ASCC3: variants seen among roughly 807,000 people sequenced by gnomAD.
The protein encoded by ASCC3 is ASC-1 complex subunit P200.
Under a neutral mutation model 256.3 loss-of-function variants are expected in ASCC3, and 158 were observed. That is an observed-to-expected ratio of 0.62 (90% confidence interval 0.54 to 0.70). ASCC3 has a LOEUF of 0.70. Among genes scored for constraint, ASCC3 ranks in the 30% least tolerant of loss-of-function variants. The pLI is 0.00. For missense variants in ASCC3, 2,259 were observed against 2,626.0 expected, an observed-to-expected ratio of 0.86 and a Z score of 3.05; for synonymous variants, 948 against 883.4, an observed-to-expected ratio of 1.07 and a Z score of -1.30.
chr6:100,674,822 G>A (rs1201742396), intron 14 of ASCC3, among the ~76,000 whole-genome samples: 3 of 151,658 alleles, frequency 2.0e-5, no homozygotes, highest in African/African-American at 7.3e-5. Context: ...TAGTAGAGAC[G>A]GGGTTTCACC....
intron 10 of ASCC3, among the ~76,000 whole-genome samples, chr6:100,750,657 A>T (rs1451944393): frequency 3.3e-5 from 5 of 152,076 alleles, no homozygotes; most frequent in African/African-American, 1.2e-4. Flanking sequence ...TTTTTAAAGA[A>T]TATAGCTTAT....
intron 17 of ASCC3, among the ~76,000 whole-genome samples, chr6:100,655,015 C>G (rs1775849426): frequency 1.3e-5 from 2 of 151,852 alleles, no homozygotes; most frequent in Non-Finnish European, 2.9e-5. Context: ...TAGTTAATAT[C>G]CATATGATCA....
intron 5 of ASCC3, among the ~76,000 whole-genome samples, 180 bp downstream of exon 5, chr6:100,805,577 CCCT>C (rs1312678604): frequency 6.6e-6 from 1 of 151,986 alleles, no homozygotes; most frequent in Non-Finnish European, 1.5e-5. Flanking sequence ...CCAAACACTG[CCCT>C]CCTATTTAGA....
intron 36 of ASCC3, among the ~76,000 whole-genome samples, chr6:100,573,251 T>C (rs1770689646): frequency 6.6e-6 from 1 of 152,158 alleles, no homozygotes; most frequent in South Asian, 2.1e-4. Flanking sequence ...ATATGATTTT[T>C]AGTTAAAACA....
At chr6:100,689,913 G>T (rs1386935864) in intron 13 of ASCC3, among the ~76,000 whole-genome samples, 1 of 151,912 alleles carries the variant, frequency 6.6e-6, no homozygotes, top group Non-Finnish European at 1.5e-5. Context: ...TGTGATTTAA[G>T]AAATAAATTA....
At chr6:100,523,396 T>G (rs2114625973) in intron 37 of ASCC3, among the ~76,000 whole-genome samples, 1 of 152,170 alleles carries the variant, frequency 6.6e-6, no homozygotes, top group South Asian at 2.1e-4. Flanking sequence ...ATCCTTGAGG[T>G]TAGGGGTAGC....
At chr6:100,644,265 T>A in intron 22 of ASCC3, 136 bp from the exon 23 acceptor site, 1 of 672,796 alleles carries the variant, frequency 1.5e-6, no homozygotes, top group Admixed American at 2.4e-5. Flanking sequence ...ATTTCAAGTA[T>A]ACAGTTAAAT....
At chr6:100,630,842 G>A (rs240146) in intron 26 of ASCC3, among the ~76,000 whole-genome samples, 85,500 of 151,834 alleles carry the variant, frequency 0.56, 24,281 homozygotes, top group East Asian at 0.73. Flanking sequence ...TTGTTTTAGA[G>A]TGAAAATATT....
At chr6:100,845,171 G>A (rs1772328998) in intron 4 of ASCC3, among the ~76,000 whole-genome samples, 1 of 152,124 alleles carries the variant, frequency 6.6e-6, no homozygotes, top group Non-Finnish European at 1.5e-5. Context: ...TTGTCAGAAT[G>A]TCTGAATTTA....
chr6:100,774,951 T>C (rs1782117243), intron 8 of ASCC3, among the ~76,000 whole-genome samples: 1 of 152,144 alleles, frequency 6.6e-6, no homozygotes, highest in Admixed American at 6.5e-5. Flanking sequence ...AACAGGATAT[T>C]AGAAAAACAC....
chr6:100,873,825 G>A (rs1773862152), intron 1 of ASCC3, among the ~76,000 whole-genome samples: 1 of 152,122 alleles, frequency 6.6e-6, no homozygotes, highest in African/African-American at 2.4e-5. Context: ...GCAAACAAAT[G>A]CTCAGAACAC....
At chr6:100,829,174 G>A (rs1485687890) in intron 4 of ASCC3, among the ~76,000 whole-genome samples, 2 of 152,264 alleles carry the variant, frequency 1.3e-5, no homozygotes, top group African/African-American at 4.8e-5. Flanking sequence ...TTCACCCAGT[G>A]GATCCCGCAC....
In ASCC3 at chr6:100,512,754, A is replaced by G. The variant is rs1211946321; in HGVS notation, c.6240T>C (p.Tyr2080=). Reference sequence around the variant, plus strand: ...CTCTCTGCAAGCTCACTTGAAGCACATACTCTTGGTCAGCATGCAATTTGA... The same window carrying G: ...CTCTCTGCAAGCTCACTTGAAGCACGTACTCTTGGTCAGCATGCAATTTGA... ...KWIKLHADQE[Y]VLQVSLQRVH... The change falls in exon 40 of 42, where the codon TAT becomes TAC. Residue 2080 remains tyrosine, a synonymous_variant. Transcript: ENST00000369162. 1.9e-6 allele frequency: 3 copies of G among 1,614,036 alleles called. No individual in the cohort carries two copies. Among genetic ancestry groups the G allele is most frequent in the East Asian group, 2.2e-5 (1 of 44,880 alleles).
At chr6:100,687,913 G>C (rs186200162) in intron 13 of ASCC3, among the ~76,000 whole-genome samples, 226 of 151,148 alleles carry the variant, frequency 1.5e-3, no homozygotes, top group African/African-American at 5.3e-3. Flanking sequence ...TGGACATGTG[G>C]ACAAAAATAA....
At chr6:100,560,562 C>T (rs1769880173) in intron 36 of ASCC3, among the ~76,000 whole-genome samples, 1 of 151,896 alleles carries the variant, frequency 6.6e-6, no homozygotes. Flanking sequence ...TAATGATATC[C>T]CTCTTTTGCT....
intron 4 of ASCC3, among the ~76,000 whole-genome samples, chr6:100,815,767 A>C (rs975364298): frequency 3.3e-5 from 5 of 152,180 alleles, no homozygotes; most frequent in African/African-American, 1.2e-4. Context: ...ATAAAAAATT[A>C]ACTCAAGATG....
At chr6:100,627,429 A>G (rs1774296859) in intron 29 of ASCC3, among the ~76,000 whole-genome samples, 161 bp downstream of exon 29, 1 of 152,198 alleles carries the variant, frequency 6.6e-6, no homozygotes, top group Non-Finnish European at 1.5e-5. Flanking sequence ...TAGGTAATTT[A>G]ACATATATTT....
intron 36 of ASCC3, among the ~76,000 whole-genome samples, chr6:100,566,543 G>T (rs75712682): frequency 0.018 from 2,695 of 152,224 alleles, 74 homozygotes; most frequent in African/African-American, 0.062. Context: ...TATTACTTCA[G>T]TATCCCACTA....
intron 13 of ASCC3, among the ~76,000 whole-genome samples, chr6:100,681,950 G>A (rs944596138): frequency 5.3e-5 from 8 of 151,916 alleles, no homozygotes; most frequent in African/African-American, 1.2e-4. Flanking sequence ...TGATATTTTC[G>A]TAATGACTGA....
Sources: gnomAD v4.1 joint callset for allele counts (sites outside exome capture counted in the v4.1 genomes callset) on GRCh38, gnomAD v4.1.1 for gene constraint, MANE v1.5 for transcripts, NCBI Gene and HGNC (gene_info 2026-07-23, HGNC 2026-07-21) for gene names.